The following STK33 variants were observed in gnomAD, a reference collection of about 807,000 sequenced individuals.
STK33 encodes serine/threonine kinase 33, also known as serine/threonine-protein kinase 33.
STK33 carries 52 observed loss-of-function variants against 58.0 expected under a neutral mutation model. The ratio of observed to expected loss-of-function variants is 0.90; its 90% CI spans 0.72 to 1.13. The LOEUF (loss-of-function observed/expected upper bound fraction) is 1.13, where lower values mean the gene tolerates loss of function less well. Ranked by LOEUF, STK33 falls within the 50% of genes most tolerant of loss-of-function variation. STK33 has a pLI of 0.00. For missense variants in STK33, 630 were observed against 604.2 expected, an observed-to-expected ratio of 1.04 and a Z score of -0.45; for synonymous variants, 215 against 200.1, an observed-to-expected ratio of 1.07 and a Z score of -0.63.
chr11:8,577,453 G>A (rs9284151), intron 1 of STK33, among the ~76,000 whole-genome samples: 1 of 151,930 alleles, frequency 6.6e-6, no homozygotes, highest in Non-Finnish European at 1.5e-5. Flanking sequence ...TTATTATTTA[G>A]TATTTATGCT....
At chr11:8,384,624 A>C in the STK33 span, among the ~76,000 whole-genome samples, 6 of 152,278 alleles carry the variant, frequency 3.9e-5, no homozygotes, top group African/African-American at 1.4e-4. Flanking sequence ...GAAAGTATTA[A>C]AGTGTTTGAT....
chr11:8,583,166 T>A (rs933683047), intron 1 of STK33, among the ~76,000 whole-genome samples: 1 of 152,176 alleles, frequency 6.6e-6, no homozygotes, highest in Non-Finnish European at 1.5e-5. Context: ...CTTTAACAGG[T>A]TTCTGCCTTT....
the STK33 span, among the ~76,000 whole-genome samples, chr11:8,339,615 T>C: frequency 6.6e-6 from 1 of 152,080 alleles, no homozygotes; most frequent in Non-Finnish European, 1.5e-5. Flanking sequence ...GCCCGGCTGG[T>C]GACCAGGGGA....
intron 1 of STK33, among the ~76,000 whole-genome samples, chr11:8,583,563 G>C (rs1372894987): frequency 6.6e-6 from 1 of 152,164 alleles, no homozygotes; most frequent in Admixed American, 6.5e-5. Context: ...GTAAAAAATA[G>C]TGTCATCAAG....
the STK33 span, among the ~76,000 whole-genome samples, chr11:8,383,044 G>A: frequency 6.6e-6 from 1 of 152,194 alleles, no homozygotes; most frequent in Non-Finnish European, 1.5e-5. Flanking sequence ...AAACTAGATT[G>A]TCCACGAATC....
At position 8,476,199 on chromosome 11, in the gene STK33, T is replaced by C. The variant is rs548342618; in HGVS notation, c.-162+488A>G. On this transcript the variant is annotated intron_variant, in intron 4 of 15. Transcript: ENST00000687296. The stretch of plus-strand genomic sequence containing the variant: ...ATCCTACATTTCCGGGCTTCTCTTT[T>C]AGATTAGGGGTAGCCATGTGACTTA... Among the ~76,000 whole-genome samples, 4 of 152,324 alleles carry C rather than the reference T, an allele frequency of 2.6e-5. No individual in the cohort carries two copies. In the East Asian group the frequency reaches 5.8e-4, roughly 22 times the overall value.
At chr11:8,492,176 C>T (rs1426330014) in intron 1 of STK33, among the ~76,000 whole-genome samples, 1 of 152,126 alleles carries the variant, frequency 6.6e-6, no homozygotes, top group Non-Finnish European at 1.5e-5. Context: ...CAAGACCCAT[C>T]AGTGTGCTGT....
chr11:8,384,372 A>G, the STK33 span, among the ~76,000 whole-genome samples: 1 of 152,222 alleles, frequency 6.6e-6, no homozygotes, highest in African/African-American at 2.4e-5. Context: ...GAAGGCGCTC[A>G]TTACTTAGCA....
the STK33 span, among the ~76,000 whole-genome samples, chr11:8,340,247 T>C: frequency 6.6e-6 from 1 of 152,338 alleles, no homozygotes; most frequent in East Asian, 1.9e-4. Context: ...GGCAAGGTTC[T>C]TCCTTCTATG....
At chr11:8,335,311 G>A in the STK33 span, among the ~76,000 whole-genome samples, 5 of 152,288 alleles carry the variant, frequency 3.3e-5, no homozygotes, top group Admixed American at 6.5e-5. Context: ...GAACTTCAGA[G>A]AGGGGAAGAA....
At chr11:8,413,362 G>T in intron 15 of STK33, 133 bp downstream of exon 15, 1 of 954,702 alleles carries the variant, frequency 1.0e-6, no homozygotes. Context: ...AAGGCAGAAA[G>T]AACTTTACTT....
chr11:8,551,134 A>AT (rs879439089), intron 1 of STK33, among the ~76,000 whole-genome samples: 347 of 147,288 alleles, frequency 2.4e-3, no homozygotes, highest in African/African-American at 5.8e-3. Context: ...ATTCTGAATA[A>AT]TTTTTTTTTT....
downstream of STK33, among the ~76,000 whole-genome samples, chr11:8,390,881 C>G (rs910509787): frequency 6.6e-6 from 1 of 152,102 alleles, no homozygotes; most frequent in African/African-American, 2.4e-5. Context: ...ATCTTCTAAT[C>G]CCAAAAGAAT....
chr11:8,530,997 G>A (rs11828029), intron 1 of STK33, among the ~76,000 whole-genome samples: 2,379 of 152,208 alleles, frequency 0.016, 60 homozygotes, highest in African/African-American at 0.054. Context: ...AGCCTCAAAA[G>A]CATTTTTTAT....
the STK33 span, among the ~76,000 whole-genome samples, chr11:8,363,678 A>C: frequency 6.6e-6 from 1 of 152,250 alleles, no homozygotes; most frequent in Non-Finnish European, 1.5e-5. Flanking sequence ...CAACCGTGCG[A>C]ATTGAAATCA....
chr11:8,463,626 C>A (rs539421652), intron 7 of STK33, among the ~76,000 whole-genome samples: 1 of 152,322 alleles, frequency 6.6e-6, no homozygotes, highest in South Asian at 2.1e-4. Flanking sequence ...CATCTCAATT[C>A]TGTTTCTCAC....
chr11:8,489,588 C>T (rs1238334100), intron 1 of STK33, among the ~76,000 whole-genome samples: 1 of 152,000 alleles, frequency 6.6e-6, no homozygotes, highest in Non-Finnish European at 1.5e-5. Flanking sequence ...TATCAGGAGC[C>T]CCAAGGCTGT....
chr11:8,357,819 T>A, the STK33 span, among the ~76,000 whole-genome samples: 2 of 152,178 alleles, frequency 1.3e-5, no homozygotes, highest in African/African-American at 4.8e-5. Context: ...GTAGGGGAGC[T>A]CTACATGGGG....
At chr11:8,478,807 G>A (rs546262735) in intron 2 of STK33, among the ~76,000 whole-genome samples, 3 of 151,742 alleles carry the variant, frequency 2.0e-5, no homozygotes, top group Non-Finnish European at 2.9e-5. Flanking sequence ...ATGACTGACT[G>A]CTTTAGTAAC....
Sources: gnomAD v4.1 joint callset for allele counts (sites outside exome capture counted in the v4.1 genomes callset) on GRCh38, gnomAD v4.1.1 for gene constraint, MANE v1.5 for transcripts, NCBI Gene and HGNC (gene_info 2026-07-23, HGNC 2026-07-21) for gene names.